The following NBEA variants were observed in gnomAD, a reference collection of about 807,000 sequenced individuals.
The protein encoded by NBEA is neurobeachin.
In NBEA, 44 loss-of-function variants were observed where a neutral mutation model predicts 343.4. The ratio of observed to expected loss-of-function variants is 0.13; its 90% CI spans 0.10 to 0.16. The LOEUF is 0.16. Ranked by LOEUF, NBEA falls within the 10% of genes least tolerant of loss-of-function variation. The probability of loss-of-function intolerance (pLI) is 1.00; values close to 1 mark genes in which losing one functional copy is unlikely to be tolerated. For missense variants in NBEA, 2,555 were observed against 3,631.3 expected (o/e 0.70, Z 7.62); for synonymous variants, 1,175 against 1,238.7 (o/e 0.95, Z 1.08).
intron 1 of NBEA, among the ~76,000 whole-genome samples, chr13:35,011,888 C>T (rs2061502793): frequency 1.3e-5 from 2 of 152,196 alleles, no homozygotes; most frequent in African/African-American, 2.4e-5. Context: ...TGATTTTTTA[C>T]TATCTATAAT....
chr13:35,444,745 C>A (rs9573940), intron 39 of NBEA, among the ~76,000 whole-genome samples: 30,209 of 151,938 alleles, frequency 0.2, 3,178 homozygotes, highest in South Asian at 0.34. Flanking sequence ...GAAAGCAGTT[C>A]TTTTCCTTCA....
At chr13:35,524,506 T>G (rs1185496285) in intron 41 of NBEA, among the ~76,000 whole-genome samples, 1 of 152,204 alleles carries the variant, frequency 6.6e-6, no homozygotes, top group Non-Finnish European at 1.5e-5. Context: ...GGTTATTTAT[T>G]GCGGTTCAAA....
chr13:35,382,034 A>T (rs1352996102), intron 38 of NBEA, among the ~76,000 whole-genome samples: 1 of 152,180 alleles, frequency 6.6e-6, no homozygotes, highest in Admixed American at 6.5e-5. Flanking sequence ...ATGTCATATG[A>T]TACTAAATGT....
rs752648705 is a variant in NBEA at position 35,196,009 on chromosome 13, A to G, written c.5073A>G (p.Leu1691=). 3 of 1,613,698 alleles carry G rather than the reference A, an allele frequency of 1.9e-6. 1 individual carries two copies. The Admixed American group carries it at 5.0e-5, about 27-fold the overall frequency. ...CTAGCATCCTGAATGGGGCAGAATT[A>G]GAAACAAGTACAGGCCCTGATGCCA... ...QVASILNGAE[L]ETSTGPDAMS... is the part of the protein sequence containing the mutation. The change falls in exon 31 of 59, where the codon TTA becomes TTG. Residue 1691 remains leucine (L), a synonymous_variant. Transcript: ENST00000379939.
rs375475123 is a variant in NBEA, at chr13:35,440,190, T to A, written c.6304+7797T>A. Among the ~76,000 whole-genome samples the A allele has an allele frequency of 3.3e-5, 5 of 152,272 alleles. No individual in the cohort carries two copies. In the East Asian group the frequency reaches 7.7e-4, roughly 24 times the overall value. On this transcript the variant is annotated intron_variant, in intron 39 of 58. Transcript: ENST00000379939. ...CTACCATGCCCAGCCCGATAACTGATTAATTTTAAGGTATACAAACAGATT... is the reference window on the plus strand; with the variant it reads ...CTACCATGCCCAGCCCGATAACTGAATAATTTTAAGGTATACAAACAGATT...
At chr13:34,971,842 T>A (rs1441507371) in intron 1 of NBEA, among the ~76,000 whole-genome samples, 1 of 151,688 alleles carries the variant, frequency 6.6e-6, no homozygotes, top group Non-Finnish European at 1.5e-5. Flanking sequence ...TGTATCAGGA[T>A]GATGCTGGCC....
chr13:35,452,964 C>G (rs1368683961), intron 40 of NBEA, among the ~76,000 whole-genome samples: 4 of 152,210 alleles, frequency 2.6e-5, no homozygotes, highest in African/African-American at 9.6e-5. Context: ...ATCATATCCT[C>G]AACCTCACCT....
chr13:34,990,312 A>T (rs963918322), intron 1 of NBEA, among the ~76,000 whole-genome samples: 6 of 151,160 alleles, frequency 4.0e-5, no homozygotes, highest in African/African-American at 1.5e-4. Context: ...CCCCTGTAGC[A>T]GACTTCTGCC....
intron 35 of NBEA, among the ~76,000 whole-genome samples, chr13:35,303,479 A>C (rs1349598383): frequency 2.0e-5 from 3 of 152,186 alleles, no homozygotes; most frequent in Admixed American, 1.3e-4. Context: ...GACCAAGACA[A>C]ATAAGACCAA....
At chr13:35,178,250 A>G (rs1177710382) in intron 28 of NBEA, among the ~76,000 whole-genome samples, 1 of 151,560 alleles carries the variant, frequency 6.6e-6, no homozygotes. Flanking sequence ...TATGGTTAAA[A>G]CTCTTACAAA....
intron 32 of NBEA, 145 bp from the exon 33 acceptor site, chr13:35,210,908 C>T: frequency 2.7e-6 from 2 of 747,748 alleles, no homozygotes; most frequent in East Asian, 5.7e-5. Context: ...CATTAGCATA[C>T]TTACTAATGG....
chr13:35,388,122 G>A (rs912367881), intron 38 of NBEA, among the ~76,000 whole-genome samples: 2 of 151,380 alleles, frequency 1.3e-5, no homozygotes, highest in Non-Finnish European at 2.9e-5. Flanking sequence ...TCTCCCCTCT[G>A]TCTATTCCCT....
At chr13:35,148,471 C>T (rs1262919592) in intron 18 of NBEA, among the ~76,000 whole-genome samples, 1 of 152,086 alleles carries the variant, frequency 6.6e-6, no homozygotes, top group African/African-American at 2.4e-5. Context: ...TTTAACTCCC[C>T]TCTGTTGTTC....
intron 48 of NBEA, among the ~76,000 whole-genome samples, chr13:35,611,533 C>T (rs1271054382): frequency 6.6e-6 from 1 of 152,092 alleles, no homozygotes; most frequent in African/African-American, 2.4e-5. Context: ...ATGACCATCA[C>T]CACAGTCTAA....
chr13:35,312,985 G>A (rs2037469857), intron 36 of NBEA, among the ~76,000 whole-genome samples: 1 of 152,160 alleles, frequency 6.6e-6, no homozygotes, highest in Non-Finnish European at 1.5e-5. Flanking sequence ...CTGGCATGGA[G>A]ATTTAGACTT....
intron 49 of NBEA, among the ~76,000 whole-genome samples, chr13:35,632,934 C>T (rs2083522113): frequency 1.3e-5 from 2 of 151,142 alleles, no homozygotes; most frequent in African/African-American, 4.9e-5. Flanking sequence ...ACCCATCTAA[C>T]TCCCCATCCA....
intron 47 of NBEA, among the ~76,000 whole-genome samples, chr13:35,605,767 C>T (rs1043504709): frequency 6.6e-6 from 1 of 152,182 alleles, no homozygotes; most frequent in Non-Finnish European, 1.5e-5. Context: ...GCTACAGTTA[C>T]ATACAAGTAA....
intron 49 of NBEA, among the ~76,000 whole-genome samples, chr13:35,639,052 A>G (rs1273129133): frequency 6.6e-6 from 1 of 152,190 alleles, no homozygotes; most frequent in Non-Finnish European, 1.5e-5. Context: ...TGCATCTACT[A>G]ATTAAGGCAA....
chr13:35,157,949 G>A lies in NBEA; in HGVS notation c.2844+679G>A, dbSNP rs898515093. Among the ~76,000 whole-genome samples the A allele has an allele frequency of 2.6e-5, 4 of 152,008 alleles. No individual in the cohort carries two copies. The South Asian group carries it at 6.2e-4, about 24-fold the overall frequency. On this transcript the variant is annotated intron_variant, in intron 21 of 58. Coordinates refer to ENST00000379939, the MANE Select transcript of NBEA (RefSeq NM_001385012.1). ...AGACTCATTAAGTCTTCTTGAACAC[G>A]AGTTAGAAAAAAATGTTTAAAAGGA...
Sources: gnomAD v4.1 joint callset for allele counts (sites outside exome capture counted in the v4.1 genomes callset) on GRCh38, gnomAD v4.1.1 for gene constraint, MANE v1.5 for transcripts, NCBI Gene and HGNC (gene_info 2026-07-23, HGNC 2026-07-21) for gene names.